ITPR1: variants seen among roughly 807,000 people sequenced by gnomAD.
ITPR1 encodes inositol 1,4,5-trisphosphate receptor type 1.
Under a neutral mutation model 318.4 loss-of-function variants are expected in ITPR1, and 96 were observed. The ratio of observed to expected loss-of-function variants is 0.30; its 90% CI spans 0.26 to 0.36. ITPR1 has a LOEUF of 0.36. ITPR1 is among the 10% of genes least tolerant of loss of function. The probability of loss-of-function intolerance (pLI) is 1.00; values close to 1 mark genes in which losing one functional copy is unlikely to be tolerated. For missense variants in ITPR1, 2,440 were observed against 3,460.2 expected, an observed-to-expected ratio of 0.71 and a Z score of 7.40; for synonymous variants, 1,312 against 1,289.9, an observed-to-expected ratio of 1.02 and a Z score of -0.37.
At chr3:4,625,579 CAG>C (rs2092796669) in intron 4 of ITPR1, among the ~76,000 whole-genome samples, 1 of 152,098 alleles carries the variant, frequency 6.6e-6, no homozygotes, top group African/African-American at 2.4e-5. Context: ...TTTTTTGAGA[CAG>C]AGTCTGGCTC....
At chr3:4,538,031 C>T (rs942001830) in intron 4 of ITPR1, among the ~76,000 whole-genome samples, 1 of 151,756 alleles carries the variant, frequency 6.6e-6, no homozygotes, top group African/African-American at 2.4e-5. Flanking sequence ...TTAATGTTTG[C>T]CTTTGTTTTT....
chr3:4,546,974 G>A (rs2085080249), intron 4 of ITPR1, among the ~76,000 whole-genome samples: 1 of 152,156 alleles, frequency 6.6e-6, no homozygotes, highest in African/African-American at 2.4e-5. Flanking sequence ...TCTTTGGTTT[G>A]TCCCTGACTA....
rs74860548 is a variant in ITPR1 at position 4,507,750 on chromosome 3, T to C, written c.-16-8726T>C. 8.5e-3 allele frequency among the ~76,000 whole-genome samples: 1,302 copies of C among 152,326 alleles called. 15 individuals carry two copies. The highest frequency in any genetic ancestry group is 0.03 in the African/African-American group (1,233 of 41,564). On this transcript the variant is annotated intron_variant, in intron 2 of 61. Coordinates refer to ENST00000649015, the MANE Select transcript of ITPR1 (RefSeq NM_001378452.1). ...AACTGTTAGTCTCCAACACTTACTT[T>C]GTTCTTTTTGTAGCTTTTGGCCTCA...
intron 46 of ITPR1, among the ~76,000 whole-genome samples, chr3:4,772,369 A>G (rs555131355): frequency 2.9e-4 from 44 of 152,356 alleles, no homozygotes; most frequent in Non-Finnish European, 4.1e-4. Flanking sequence ...TGTCATATTT[A>G]TAACCTTAAC....
intron 4 of ITPR1, among the ~76,000 whole-genome samples, chr3:4,553,676 C>T (rs1246249604): frequency 2.0e-5 from 3 of 151,104 alleles, no homozygotes; most frequent in African/African-American, 7.3e-5. Context: ...TCTCAGCTCA[C>T]TGCAACTTCT....
At chr3:4,533,057 T>C (rs1342133038) in intron 4 of ITPR1, among the ~76,000 whole-genome samples, 1 of 152,188 alleles carries the variant, frequency 6.6e-6, no homozygotes, top group Non-Finnish European at 1.5e-5. Context: ...CTGTTTTTGC[T>C]TCCTGTGGAA....
rs373933487 is a variant in ITPR1 at position 4,545,128 on chromosome 3, A to G, written c.163+24034A>G. ...TCTCATGAATCAAAAGCTCCCTGGT[A>G]GAATCAAGAACAATTTGGTTAATAA... On this transcript the variant is annotated intron_variant, in intron 4 of 61. Transcript: ENST00000649015. Among the ~76,000 whole-genome samples, 3 of 152,182 alleles carry G rather than the reference A, an allele frequency of 2.0e-5. No individual in the cohort carries two copies. In the East Asian group the frequency reaches 5.8e-4, roughly 29 times the overall value.
intron 5 of ITPR1, among the ~76,000 whole-genome samples, chr3:4,630,317 A>G (rs1302249879): frequency 2.0e-5 from 3 of 152,168 alleles, no homozygotes. Flanking sequence ...GGCTTCAAGC[A>G]TAATCACAAA....
chr3:4,507,332 A>T (rs1266982647), intron 2 of ITPR1, among the ~76,000 whole-genome samples: 1 of 152,212 alleles, frequency 6.6e-6, no homozygotes, highest in African/African-American at 2.4e-5. Flanking sequence ...TTGGGCCACC[A>T]GCTCCTAGAG....
At chr3:4,655,672 A>G (rs2093690268) in intron 12 of ITPR1, among the ~76,000 whole-genome samples, 1 of 152,096 alleles carries the variant, frequency 6.6e-6, no homozygotes, top group Non-Finnish European at 1.5e-5. Context: ...CTCATCCCCC[A>G]TCTCAGGCTC....
intron 39 of ITPR1, among the ~76,000 whole-genome samples, chr3:4,715,818 A>C (rs1272701104): frequency 3.3e-5 from 5 of 152,138 alleles, no homozygotes; most frequent in African/African-American, 4.8e-5. Context: ...GCACCACTGC[A>C]CTCCAGCCTG....
intron 10 of ITPR1, among the ~76,000 whole-genome samples, 199 bp from the exon 11 acceptor site, chr3:4,651,924 A>C (rs752864332): frequency 6.6e-6 from 1 of 152,244 alleles, no homozygotes; most frequent in Admixed American, 6.5e-5. Context: ...AGGAGACTCG[A>C]TGCCTTCTTT....
At chr3:4,772,589 C>G (rs372795243) in intron 46 of ITPR1, among the ~76,000 whole-genome samples, 2 of 152,226 alleles carry the variant, frequency 1.3e-5, no homozygotes, top group East Asian at 3.8e-4. Context: ...GTCCTGATCT[C>G]TTTCCACCAA....
At chr3:4,703,405 A>G (rs953492735) in intron 36 of ITPR1, among the ~76,000 whole-genome samples, 9 of 152,206 alleles carry the variant, frequency 5.9e-5, no homozygotes, top group African/African-American at 1.9e-4. Flanking sequence ...AGTAGAAATG[A>G]TTCTCCATTT....
At chr3:4,609,653 G>A (rs1031474562) in intron 4 of ITPR1, among the ~76,000 whole-genome samples, 6 of 152,080 alleles carry the variant, frequency 3.9e-5, no homozygotes, top group Non-Finnish European at 8.8e-5. Context: ...CGTATTCAAT[G>A]GAGAACATGG....
chr3:4,649,991 C>A (rs2093556774), intron 10 of ITPR1, among the ~76,000 whole-genome samples: 2 of 152,188 alleles, frequency 1.3e-5, no homozygotes, highest in Admixed American at 6.5e-5. Context: ...AATGAGAGGA[C>A]ACACACATTT....
At chr3:4,673,107 G>A in intron 20 of ITPR1, 29 bp from the exon 21 acceptor site, 2 of 1,596,652 alleles carry the variant, frequency 1.3e-6, no homozygotes, top group African/African-American at 2.7e-5. Flanking sequence ...TCTGGAGCGT[G>A]AGCTGTGTGC....
intron 59 of ITPR1, 94 bp from the exon 60 acceptor site, chr3:4,817,988 C>A: frequency 2.0e-6 from 2 of 1,024,904 alleles, no homozygotes; most frequent in South Asian, 4.1e-5. Flanking sequence ...GGAGTGAAAC[C>A]ACAGCCCCCT....
intron 26 of ITPR1, among the ~76,000 whole-genome samples, chr3:4,682,514 C>T (rs966719032): frequency 1.3e-5 from 2 of 152,204 alleles, no homozygotes; most frequent in African/African-American, 4.8e-5. Flanking sequence ...TGTTAATAGT[C>T]TACCTCAATG....
Sources: allele counts gnomAD v4.1 joint callset (sites outside exome capture counted in the v4.1 genomes callset), GRCh38; gene constraint gnomAD v4.1.1; transcripts MANE v1.5; gene names NCBI Gene and HGNC (gene_info 2026-07-23, HGNC 2026-07-21).